TSEN2: variants seen among roughly 807,000 people sequenced by gnomAD.
TSEN2 encodes the protein tRNA-splicing endonuclease subunit Sen2.
Under a neutral mutation model 59.2 loss-of-function variants are expected in TSEN2, and 54 were observed. The observed-to-expected ratio is 0.91, with a 90% confidence interval of 0.73 to 1.14. TSEN2 has a LOEUF of 1.14. Among genes scored for constraint, TSEN2 ranks in the 50% most tolerant of loss-of-function variants. TSEN2 has a pLI of 0.00. For missense variants in TSEN2, 636 were observed against 576.2 expected (o/e 1.10, Z -1.06); for synonymous variants, 195 against 198.2 (o/e 0.98, Z 0.14).
intron 6 of TSEN2, among the ~76,000 whole-genome samples, chr3:12,505,836 T>TA (rs2054767095): frequency 6.6e-6 from 1 of 151,058 alleles, no homozygotes. Flanking sequence ...TGTGATGGCT[T>TA]ATGCCTGTAG....
Position 12,497,757 on chromosome 3 carries a change from C to G in TSEN2, c.308+1203C>G, listed in dbSNP as rs80043559. ...ATCTCTTTAGGAGCACTACAGTATC[C>G]CAAGAAGTTTCATTGACCCTTGTAT... On this transcript the variant is annotated intron_variant, in intron 4 of 11. Coordinates refer to ENST00000284995, the MANE Select transcript of TSEN2 (RefSeq NM_025265.4). 9.6e-3 allele frequency among the ~76,000 whole-genome samples: 1,456 copies of G among 152,296 alleles called. 26 individuals carry two copies. The highest frequency in any genetic ancestry group is 0.034 in the African/African-American group (1,396 of 41,548).
chr3:12,519,266 T>A, intron 8 of TSEN2, 69 bp downstream of exon 8: 1 of 1,578,990 alleles, frequency 6.3e-7, no homozygotes, highest in Non-Finnish European at 8.7e-7. Flanking sequence ...AATATCAAAT[T>A]GATCTTGTGT....
At chr3:12,514,719 C>T (rs1394523998) in intron 6 of TSEN2, 3 of 152,118 alleles carry the variant, frequency 2.0e-5, no homozygotes, top group Non-Finnish European at 4.4e-5. Context: ...ATGTCTTCAA[C>T]AGCACATATA....
intron 6 of TSEN2, among the ~76,000 whole-genome samples, chr3:12,516,358 G>A (rs111879002): frequency 1.2e-4 from 18 of 152,246 alleles, no homozygotes; most frequent in East Asian, 9.6e-4. Flanking sequence ...CCCAGGAGGC[G>A]GAGCTTGCAG....
upstream of TSEN2, among the ~76,000 whole-genome samples, chr3:12,481,896 T>C (rs1377397446): frequency 1.1e-5 from 1 of 89,942 alleles, no homozygotes; most frequent in East Asian, 2.0e-4. Flanking sequence ...ACAGTTGATA[T>C]ATGTGTGTGT....
chr3:12,491,075 C>T (rs1211935131), intron 2 of TSEN2, among the ~76,000 whole-genome samples: 1 of 152,192 alleles, frequency 6.6e-6, no homozygotes, highest in Non-Finnish European at 1.5e-5. Flanking sequence ...ACTGCAACCT[C>T]TACCTCCCAG....
At chr3:12,494,808 C>A (rs894966747) in intron 3 of TSEN2, among the ~76,000 whole-genome samples, 1 of 151,862 alleles carries the variant, frequency 6.6e-6, no homozygotes, top group African/African-American at 2.4e-5. Flanking sequence ...GACTTTGTAA[C>A]CATATAAATG....
At chr3:12,517,306 C>T (rs547136202) in intron 7 of TSEN2, among the ~76,000 whole-genome samples, 6 of 145,078 alleles carry the variant, frequency 4.1e-5, no homozygotes, top group South Asian at 2.1e-4. Context: ...TGCAATGAGC[C>T]GAGATAGCGC....
chr3:12,516,723 A>C (rs1275330672), intron 7 of TSEN2, 62 bp downstream of exon 7: 1 of 1,437,344 alleles, frequency 7.0e-7, no homozygotes, highest in African/African-American at 1.4e-5. Flanking sequence ...AGCAGGTTGT[A>C]CTAATTTCTA....
At chr3:12,490,700 G>A (rs2124933526) in intron 2 of TSEN2, among the ~76,000 whole-genome samples, 1 of 152,270 alleles carries the variant, frequency 6.6e-6, no homozygotes, top group East Asian at 1.9e-4. Context: ...CCACAGTCCA[G>A]TTTTAGAACA....
chr3:12,528,801 G>A, intron 8 of TSEN2, 87 bp from the exon 9 acceptor site: 4 of 1,434,236 alleles, frequency 2.8e-6, no homozygotes, highest in Middle Eastern at 2.2e-4. Flanking sequence ...GAGAAGAAAA[G>A]TTAATAAAGC....
chr3:12,500,872 G>A (rs997116652), intron 4 of TSEN2, among the ~76,000 whole-genome samples: 2 of 152,196 alleles, frequency 1.3e-5, no homozygotes, highest in African/African-American at 4.8e-5. Flanking sequence ...AAAGAGCAGA[G>A]CAGTGCCCTC....
chr3:12,486,845 G>T (rs546118376), intron 1 of TSEN2, among the ~76,000 whole-genome samples: 10 of 152,204 alleles, frequency 6.6e-5, no homozygotes, highest in Admixed American at 6.5e-4. Flanking sequence ...AATGCTTTCA[G>T]GTGTTGAAGA....
At chr3:12,495,846 T>A (rs1032937780) in intron 3 of TSEN2, among the ~76,000 whole-genome samples, 1 of 152,182 alleles carries the variant, frequency 6.6e-6, no homozygotes, top group African/African-American at 2.4e-5. Flanking sequence ...GGTGACCTGA[T>A]AAACATTTCG....
At chr3:12,522,836 T>C (rs2056760206) in intron 8 of TSEN2, among the ~76,000 whole-genome samples, 1 of 152,190 alleles carries the variant, frequency 6.6e-6, no homozygotes, top group Admixed American at 6.5e-5. Context: ...GTTGACCTTA[T>C]TTGCCTACTG....
chr3:12,500,063 G>A (rs765200482), intron 4 of TSEN2, among the ~76,000 whole-genome samples: 46 of 152,180 alleles, frequency 3.0e-4, no homozygotes, highest in Non-Finnish European at 5.1e-4. Context: ...GTGTCCTTGC[G>A]GTCCTGGATG....
upstream of TSEN2, among the ~76,000 whole-genome samples, chr3:12,481,251 C>T (rs2052190224): frequency 6.6e-6 from 1 of 152,218 alleles, no homozygotes; most frequent in African/African-American, 2.4e-5. Context: ...ATAGTCCATC[C>T]TCCCTACTCT....
chr3:12,495,024 G>T (rs1207648966), intron 3 of TSEN2, among the ~76,000 whole-genome samples: 1 of 148,536 alleles, frequency 6.7e-6, no homozygotes, highest in Non-Finnish European at 1.5e-5. Context: ...TACTTGGGAG[G>T]CTGAGGCAGG....
At position 12,503,504 on chromosome 3, in the gene TSEN2, G is replaced by C. The variant is rs773168704; in HGVS notation, c.551G>C (p.Gly184Ala). ...NGDSGKSGGVGDPREPLGCLQ... is the reference protein window; with the variant it reads ...NGDSGKSGGVADPREPLGCLQ... ...GACTCTGGAAAGTCAGGTGGTGTGG[G>C]TGATCCCCGTGAGCCATTAGGCTGC... Residue 184 changes from glycine (G) to alanine (A), a missense_variant, in exon 5 of 12, where the codon GGT becomes GCT. Gly to Ala is a moderately conservative substitution (Grantham distance 60, BLOSUM62 0). Coordinates refer to ENST00000284995, the MANE Select transcript of TSEN2 (RefSeq NM_025265.4). 3.1e-6 allele frequency: 5 copies of C among 1,614,032 alleles called. No homozygotes were observed. The African/African-American group carries it at 5.3e-5, about 17-fold the overall frequency.
Sources: allele counts gnomAD v4.1 joint callset (sites outside exome capture counted in the v4.1 genomes callset), GRCh38; gene constraint gnomAD v4.1.1; transcripts MANE v1.5; gene names NCBI Gene and HGNC (gene_info 2026-07-23, HGNC 2026-07-21).